Variants in DACH1 observed in about 807,000 individuals in gnomAD.
The protein encoded by DACH1 is dachshund homolog 1.
DACH1 carries 12 observed loss-of-function variants against 54.2 expected under a neutral mutation model. That is an observed-to-expected ratio of 0.22 (90% confidence interval 0.14 to 0.36). The LOEUF (loss-of-function observed/expected upper bound fraction) is 0.36, where lower values mean the gene tolerates loss of function less well. Among genes scored for constraint, DACH1 ranks in the 10% least tolerant of loss-of-function variants. The pLI is 1.00. For missense variants in DACH1, 805 were observed against 929.8 expected (o/e 0.87, Z 1.75); for synonymous variants, 386 against 366.2 (o/e 1.05, Z -0.62).
chr13:71,538,085 A>G lies in DACH1; in HGVS notation c.1570+18939T>C, dbSNP rs760021116. Reference sequence around the variant, plus strand: ...CAATCACTCATAAACTGCATCTCACATTACACTATTGTTTTTGACCTTTAA... The same window carrying G: ...CAATCACTCATAAACTGCATCTCACGTTACACTATTGTTTTTGACCTTTAA... On this transcript the variant is annotated intron_variant, in intron 6 of 10. Coordinates refer to ENST00000613252, the MANE Select transcript of DACH1 (RefSeq NM_080759.6). Among the ~76,000 whole-genome samples the G allele has an allele frequency of 2.8e-4, 42 of 152,056 alleles. 1 individual carries two copies. Among genetic ancestry groups the G allele is most frequent in the Admixed American group, 4.6e-4 (7 of 15,236 alleles).
chr13:71,827,959 T>C (rs1888442867), intron 1 of DACH1, among the ~76,000 whole-genome samples: 1 of 151,946 alleles, frequency 6.6e-6, no homozygotes, highest in Non-Finnish European at 1.5e-5. Context: ...ATAAAATCAT[T>C]TCCTATTTAC....
chr13:71,728,353 A>G (rs1883573761), intron 1 of DACH1, among the ~76,000 whole-genome samples: 1 of 151,984 alleles, frequency 6.6e-6, no homozygotes, highest in Admixed American at 6.6e-5. Flanking sequence ...TAAAACCTTA[A>G]CATCTCAGGT....
chr13:71,444,362 T>C (rs1490558877), intron 10 of DACH1, among the ~76,000 whole-genome samples: 1 of 152,154 alleles, frequency 6.6e-6, no homozygotes, highest in African/African-American at 2.4e-5. Flanking sequence ...AATTGTCTCA[T>C]TATTTCTAGC....
chr13:71,670,653 A>T (rs539274868), intron 2 of DACH1, among the ~76,000 whole-genome samples: 42 of 152,222 alleles, frequency 2.8e-4, no homozygotes, highest in Admixed American at 1.2e-3. Flanking sequence ...TATACATTTT[A>T]AAAGTTATTA....
intron 6 of DACH1, among the ~76,000 whole-genome samples, chr13:71,493,052 T>G (rs947632519): frequency 1.3e-5 from 2 of 151,622 alleles, no homozygotes; most frequent in Non-Finnish European, 2.9e-5. Context: ...TATGGGCATG[T>G]AGTAAGCACG....
Position 71,783,268 on chromosome 13 carries a change from C to G in DACH1, c.848+82654G>C, listed in dbSNP as rs113654031. On this transcript the variant is annotated intron_variant, in intron 1 of 10. Coordinates refer to ENST00000613252, the MANE Select transcript of DACH1 (RefSeq NM_080759.6). ...ACAATAAAAGGCAACTCAAGATGAA[C>G]AAAATACGGTGAAAACTGGCTAATC... 4.6e-5 allele frequency among the ~76,000 whole-genome samples: 7 copies of G among 152,162 alleles called. 2 individuals carry two copies. Among genetic ancestry groups the G allele is most frequent in the African/African-American group, 1.7e-4 (7 of 41,516 alleles).
In DACH1 at chr13:71,765,541, C is replaced by A. The variant is rs112687486; in HGVS notation, c.849-83631G>T. On this transcript the variant is annotated intron_variant, in intron 1 of 10. Coordinates refer to ENST00000613252, the MANE Select transcript of DACH1 (RefSeq NM_080759.6). ...TGTAATGTACTGTCTTAAAAATCTT[C>A]CATATTTCCTCATTCTTTTCAAGAT... 2.6e-5 allele frequency among the ~76,000 whole-genome samples: 4 copies of A among 152,224 alleles called. 1 individual carries two copies. The highest frequency in any genetic ancestry group is 9.6e-5 in the African/African-American group (4 of 41,534).
At chr13:71,648,446 C>T (rs1437365049) in intron 2 of DACH1, among the ~76,000 whole-genome samples, 2 of 152,072 alleles carry the variant, frequency 1.3e-5, no homozygotes, top group East Asian at 1.9e-4. Context: ...AGGGAGACAA[C>T]AATAGCTTTA....
At chr13:71,691,287 T>C (rs780267398) in intron 1 of DACH1, among the ~76,000 whole-genome samples, 2 of 152,220 alleles carry the variant, frequency 1.3e-5, no homozygotes, top group Non-Finnish European at 2.9e-5. Context: ...CAAATGTTTT[T>C]GTTTTATTTT....
intron 1 of DACH1, among the ~76,000 whole-genome samples, chr13:71,686,849 A>C (rs1183410558): frequency 2.6e-5 from 4 of 152,226 alleles, no homozygotes; most frequent in Admixed American, 2.6e-4. Flanking sequence ...AGTTCCATTC[A>C]ACCATTCATT....
intron 6 of DACH1, among the ~76,000 whole-genome samples, chr13:71,541,250 A>G (rs927146256): frequency 1.3e-5 from 2 of 152,086 alleles, no homozygotes; most frequent in Admixed American, 1.3e-4. Context: ...TTTACTAACC[A>G]ACACCAAAGA....
chr13:71,710,709 C>A (rs1882684059), intron 1 of DACH1, among the ~76,000 whole-genome samples: 1 of 152,016 alleles, frequency 6.6e-6, no homozygotes, highest in Admixed American at 6.6e-5. Context: ...CACATGACAG[C>A]CTGCCTAAAA....
intron 2 of DACH1, among the ~76,000 whole-genome samples, chr13:71,669,174 A>C (rs1181245385): frequency 6.6e-6 from 1 of 152,146 alleles, no homozygotes; most frequent in African/African-American, 2.4e-5. Context: ...AGGGGTACCC[A>C]AACTCCAGGC....
intron 10 of DACH1, among the ~76,000 whole-genome samples, chr13:71,466,870 C>T (rs1442684095): frequency 7.4e-6 from 1 of 135,942 alleles, no homozygotes; most frequent in East Asian, 2.2e-4. Context: ...AAAAAGACAA[C>T]AGATATATTA....
At position 71,805,318 on chromosome 13, in the gene DACH1, A is replaced by G. The variant is rs553278616; in HGVS notation, c.848+60604T>C. Among the ~76,000 whole-genome samples the G allele has an allele frequency of 3.8e-4, 58 of 152,262 alleles. 1 individual carries two copies. The highest frequency in any genetic ancestry group is 1.9e-3 in the Admixed American group (29 of 15,284). On this transcript the variant is annotated intron_variant, in intron 1 of 10. Transcript: ENST00000613252. ...CCACCAAAATCTATGAGACGCAAAC[A>G]CTCAACTACATTCTCTGGGAGGTTT...
intron 3 of DACH1, among the ~76,000 whole-genome samples, chr13:71,591,115 G>C (rs1873680649): frequency 6.6e-6 from 1 of 151,944 alleles, no homozygotes; most frequent in African/African-American, 2.4e-5. Flanking sequence ...CTGATCTCAA[G>C]TGATCCACCT....
rs559049701 is a variant in DACH1 at position 71,542,596 on chromosome 13, G to C, written c.1570+14428C>G. Among the ~76,000 whole-genome samples, 26 of 151,788 alleles carry C rather than the reference G, an allele frequency of 1.7e-4. No homozygotes were observed. In the South Asian group the frequency reaches 5.2e-3, roughly 30 times the overall value. On this transcript the variant is annotated intron_variant, in intron 6 of 10. Transcript: ENST00000613252. ...AATAAATAAATCTCTCTCCTCTTTG[G>C]CTTGTCTAAAACAATGAGAAAAGTC...
intron 2 of DACH1, among the ~76,000 whole-genome samples, chr13:71,643,206 T>C (rs935990690): frequency 2.0e-5 from 3 of 152,202 alleles, no homozygotes; most frequent in Non-Finnish European, 4.4e-5. Flanking sequence ...GTAAAATCAA[T>C]GGTCATTTTT....
At chr13:71,774,053 TAAAC>T (rs1429322969) in intron 1 of DACH1, among the ~76,000 whole-genome samples, 1 of 151,776 alleles carries the variant, frequency 6.6e-6, no homozygotes, top group African/African-American at 2.4e-5. Context: ...ATGTTTTTAA[TAAAC>T]AAATTTTCAA....
Sources: allele counts gnomAD v4.1 joint callset (sites outside exome capture counted in the v4.1 genomes callset), GRCh38; gene constraint gnomAD v4.1.1; transcripts MANE v1.5; gene names NCBI Gene and HGNC (gene_info 2026-07-23, HGNC 2026-07-21).